The following PCDH18 variants were observed in gnomAD, a reference collection of about 807,000 sequenced individuals.
PCDH18 encodes the protein protocadherin-18.
In PCDH18, 38 loss-of-function variants were observed where a neutral mutation model predicts 71.5. The observed-to-expected ratio is 0.53, with a 90% CI of 0.41 to 0.70. The LOEUF is 0.70. PCDH18 is among the 30% of genes least tolerant of loss of function. The pLI, the probability that PCDH18 is intolerant of heterozygous loss-of-function variation, is 0.00. For synonymous variants in PCDH18, 565 were observed against 505.4 expected (o/e 1.12, Z -1.58); for missense variants, 1,334 against 1,384.6 (o/e 0.96, Z 0.58).
At chr4:137,526,958 TAAAA>T (rs750084137) in intron 3 of PCDH18, among the ~76,000 whole-genome samples, 16 of 127,730 alleles carry the variant, frequency 1.3e-4, no homozygotes, top group East Asian at 2.3e-4. Flanking sequence ...TTCCAAATCT[TAAAA>T]AAAAAAAAAA....
Position 137,530,899 on chromosome 4 carries a change from C to A in PCDH18, c.1190G>T (p.Cys397Phe). Residue 397 changes from cysteine (C) to phenylalanine (F), a missense_variant, in exon 1 of 4, where the codon TGT (cysteine) becomes TTT (phenylalanine). This residue lies in a region of PCDH18 where 1,011 missense variants were observed against 1,048.0 expected (regional missense o/e 0.96). Transcript: ENST00000344876. Reference sequence around the variant, plus strand: ...AAAGTGACCATGTCCATGAAGCTTACAAACTATTTCTCCATTCAGCCCAGA... The same window carrying A: ...AAAGTGACCATGTCCATGAAGCTTAAAAACTATTTCTCCATTCAGCCCAGA... Reference protein sequence around the residue: ...KDSGLNGEIVCKLHGHGHFKL... With the variant: ...KDSGLNGEIVFKLHGHGHFKL... 1.2e-6 allele frequency: 2 copies of A among 1,612,676 alleles called. No individual in the cohort carries two copies. Among genetic ancestry groups the A allele is most frequent in the Non-Finnish European group, 1.7e-6 (2 of 1,179,266 alleles).
At position 137,521,305 on chromosome 4, in the gene PCDH18, G is replaced by C; in HGVS notation, c.3132C>G (p.Ala1044=). Residue 1044 remains alanine (A), a synonymous_variant, in exon 4 of 4, where the codon GCC becomes GCG. Transcript: ENST00000344876. The stretch of plus-strand genomic sequence containing the variant: ...CCCCCTGTGGGTAACCCACAGTTTT[G>C]GCTGGCAAGGGTCCCTTCCTGCGCT... ...SLERRKGPLP[A]KTVGYPQGVA... 6.2e-7 allele frequency: 1 copy of C among 1,614,104 alleles called. No individual in the cohort carries two copies. The highest frequency in any genetic ancestry group is 8.5e-7 in the Non-Finnish European group (1 of 1,180,014).
intron 3 of PCDH18, among the ~76,000 whole-genome samples, chr4:137,523,369 A>G (rs958488451): frequency 1.3e-5 from 2 of 152,088 alleles, no homozygotes; most frequent in Admixed American, 6.6e-5. Context: ...TGTGGATGAA[A>G]CAAAAGGGGT....
chr4:137,524,177 C>T (rs1731381460), intron 3 of PCDH18, among the ~76,000 whole-genome samples: 2 of 152,096 alleles, frequency 1.3e-5, no homozygotes, highest in Non-Finnish European at 2.9e-5. Context: ...GTTAAGTGTC[C>T]TCTGGGGAGG....
rs756372317 is a variant in PCDH18 at position 137,529,829 on chromosome 4, T to C, written c.2260A>G (p.Ile754Val). The change falls in exon 1 of 4, where the codon ATT becomes GTT. Residue 754 changes from isoleucine to valine, a missense_variant. Physicochemically the swap from Ile to Val is conservative, Grantham distance 29. Transcript: ENST00000344876. ...ACCAATGTGATGTCCCCTTTGTGAA[T>C]CTGCCGGGATGGCCTTTTTGGGTGG... ...QHHPKRPSRQ[I>V]HKGDITLVPT... The C allele has an allele frequency of 3.1e-6, 5 of 1,611,184 alleles. No individual in the cohort carries two copies. Among genetic ancestry groups the C allele is most frequent in the Non-Finnish European group, 4.2e-6 (5 of 1,177,964 alleles).
At position 137,531,840 on chromosome 4, in the gene PCDH18, A is replaced by G. The variant is rs1354374870; in HGVS notation, c.249T>C (p.Asn83=). 4 of 1,614,004 alleles carry G rather than the reference A, an allele frequency of 2.5e-6. No homozygotes were observed. The African/African-American group carries it at 4.0e-5, about 16-fold the overall frequency. ...TTGTAGCCCCTATGCTGATTTCCCC[A>G]TTATCCTCGTTTACTACAAGTAGAG... ...NSPLLVVNED[N]GEISIGATID... Residue 83 remains asparagine, a synonymous_variant, in exon 1 of 4, where the codon AAT becomes AAC. Transcript: ENST00000344876.
chr4:137,525,232 A>T (rs1385692284), intron 3 of PCDH18, among the ~76,000 whole-genome samples: 1 of 152,206 alleles, frequency 6.6e-6, no homozygotes, highest in Non-Finnish European at 1.5e-5. Flanking sequence ...AATGCATACC[A>T]ATTTGACTGC....
chr4:137,522,940 A>G (rs1731342666), intron 3 of PCDH18, among the ~76,000 whole-genome samples: 1 of 152,162 alleles, frequency 6.6e-6, no homozygotes, highest in Admixed American at 6.6e-5. Context: ...AAAAAGAAGT[A>G]ATGGTCTTTG....
rs981534670 is a variant in PCDH18 at position 137,529,626 on chromosome 4, G to A, written c.2463C>T (p.Leu821=). The part of the protein sequence containing the change: ...NHVPENFSLE[L]THATPAVEQV... ...CCTCAACAGCAGGAGTGGCGTGGGTGAGTTCTAATGAGAAATTCTCTGGCA... is the reference window on the plus strand; with the variant it reads ...CCTCAACAGCAGGAGTGGCGTGGGTAAGTTCTAATGAGAAATTCTCTGGCA... The change falls in exon 1 of 4, where the codon CTC becomes CTT. Residue 821 remains leucine, a synonymous_variant. Transcript: ENST00000344876. 78 of 1,607,486 alleles carry A rather than the reference G, an allele frequency of 4.9e-5. No individual in the cohort carries two copies. The highest frequency in any genetic ancestry group is 1.7e-4 in the Middle Eastern group (1 of 6,038).
In PCDH18 at chr4:137,532,195, G is replaced by A; in HGVS notation, c.-107C>T. ...TACATTTGGTACTTGAAACTTGAAA[G>A]CGTCTCTTAATAACACAGCACAGCA... On this transcript the variant is annotated 5_prime_UTR_variant, in exon 1 of 4. Coordinates refer to ENST00000344876, the MANE Select transcript of PCDH18 (RefSeq NM_019035.5). 1.1e-6 allele frequency: 1 copy of A among 921,360 alleles called. No individual in the cohort carries two copies. Among genetic ancestry groups the A allele is most frequent in the Non-Finnish European group, 1.8e-6 (1 of 556,884 alleles). 57.1% of individuals were successfully genotyped at this position (921,360 alleles called of 1,614,324 possible).
Position 137,532,424 on chromosome 4 carries a change from C to A in PCDH18, c.-336G>T. 1.5e-6 allele frequency: 1 copy of A among 686,744 alleles called. No individual in the cohort carries two copies. 42.5% of individuals were successfully genotyped at this position (686,744 alleles called of 1,614,324 possible). On this transcript the variant is annotated 5_prime_UTR_variant, in exon 1 of 4. Transcript: ENST00000344876. ...GAGTCTGCAGTGTGTCTTTCCTGAG[C>A]GATTCTTTCTCCCTTTAGCTGCTCG...
In PCDH18 at chr4:137,524,440, G is replaced by A. The variant is rs144553702; in HGVS notation, c.2741-2744C>T. Among the ~76,000 whole-genome samples, 1,060 of 152,130 alleles carry A rather than the reference G, an allele frequency of 7.0e-3. 3 individuals are homozygous for A. The highest frequency in any genetic ancestry group is 0.012 in the Non-Finnish European group (808 of 67,984). ...TAAGTAAAGTGTAGCAAGTGACATC[G>A]TAAACACAGGTAAAGTGTCAAACTA... On this transcript the variant is annotated intron_variant, in intron 3 of 3. Transcript: ENST00000344876.
At chr4:137,526,958 TA>T (rs750084137) in intron 3 of PCDH18, among the ~76,000 whole-genome samples, 36,721 of 127,668 alleles carry the variant, frequency 0.29, 5,080 homozygotes, top group East Asian at 0.37. Flanking sequence ...TTCCAAATCT[TA>T]AAAAAAAAAA....
chr4:137,529,796 T>A lies in PCDH18; in HGVS notation c.2293A>T (p.Ile765Leu). 6.2e-7 allele frequency: 1 copy of A among 1,613,114 alleles called. No individual in the cohort carries two copies. The highest frequency in any genetic ancestry group is 1.7e-4 in the Middle Eastern group (1 of 6,050). The change falls in exon 1 of 4, where the codon ATA becomes TTA. Residue 765 changes from isoleucine (I) to leucine (L), a missense_variant. By Grantham distance (5) the Ile-to-Leu change is conservative (BLOSUM62 2). Around this residue, in one of 3 missense-constraint regions of PCDH18, gnomAD observed 1,011 missense variants for 1,048.0 expected, o/e 0.96. Transcript: ENST00000344876. ...HKGDITLVPTINGTLPIRSHH... is the reference protein window; with the variant it reads ...HKGDITLVPTLNGTLPIRSHH... ...GATCTGATGGGCAGAGTGCCATTTA[T>A]GGTAGGCACCAATGTGATGTCCCCT...
chr4:137,529,943 TAAC>T lies in PCDH18; in HGVS notation c.2143_2145del (p.Val715del). 1.9e-6 allele frequency: 3 copies of T among 1,613,960 alleles called. No homozygotes were observed. The highest frequency in any genetic ancestry group is 2.5e-6 in the Non-Finnish European group (3 of 1,179,930). ...CACCTAGTTGCAAATAGCACCATAATAACCAGCAACACTGCACAAATTGCTCCT... is the reference window on the plus strand; with the variant it reads ...CACCTAGTTGCAAATAGCACCATAATCAGCAACACTGCACAAATTGCTCCT... On this transcript the variant is annotated inframe_deletion, in exon 1 of 4. Transcript: ENST00000344876.
At chr4:137,529,553 A>G (rs957222959) in intron 1 of PCDH18, 49 bp downstream of exon 1, 15 of 1,314,590 alleles carry the variant, frequency 1.1e-5, no homozygotes, top group Non-Finnish European at 1.6e-5. Context: ...ACAATTCCTG[A>G]ACACTAACAC....
At chr4:137,522,768 A>T (rs1175915882) in intron 3 of PCDH18, among the ~76,000 whole-genome samples, 2 of 152,206 alleles carry the variant, frequency 1.3e-5, no homozygotes, top group Non-Finnish European at 2.9e-5. Flanking sequence ...ATTGCTAAAA[A>T]GGTGACTCTT....
intron 3 of PCDH18, among the ~76,000 whole-genome samples, chr4:137,523,671 G>T (rs1246312396): frequency 1.3e-5 from 2 of 152,066 alleles, no homozygotes; most frequent in African/African-American, 4.8e-5. Flanking sequence ...AGGCTTGTAA[G>T]AATACTGAAA....
In PCDH18 at chr4:137,521,571, T is replaced by G. The variant is rs867545344; in HGVS notation, c.2866A>C (p.Thr956Pro). The G allele has an allele frequency of 1.2e-6, 2 of 1,614,084 alleles. No homozygotes were observed. Among genetic ancestry groups the G allele is most frequent in the African/African-American group, 1.3e-5 (1 of 75,030 alleles). Residue 956 changes from threonine (T) to proline (P), a missense_variant, in exon 4 of 4, where the codon ACG (threonine) becomes CCG (proline). Thr to Pro is a conservative substitution (Grantham distance 38). Coordinates refer to ENST00000344876, the MANE Select transcript of PCDH18 (RefSeq NM_019035.5). ...NMFIPGEEFPTQPQQQHPHQS... is the reference protein window; with the variant it reads ...NMFIPGEEFPPQPQQQHPHQS... ...TGTGGATGCTGCTGCTGGGGTTGCG[T>G]TGGGAATTCTTCCCCTGGAATGAAC...
Sources: gnomAD v4.1 joint callset for allele counts (sites outside exome capture counted in the v4.1 genomes callset) on GRCh38, gnomAD v4.1.1 for gene constraint, gnomAD v4.1.1 regional missense constraint, MANE v1.5 for transcripts, NCBI Gene and HGNC (gene_info 2026-07-23, HGNC 2026-07-21) for gene names.